FGF12: variants seen among roughly 807,000 people sequenced by gnomAD.
FGF12 encodes fibroblast growth factor 12B.
A neutral mutation model predicts 23.6 loss-of-function variants in FGF12; 14 were observed. The observed-to-expected ratio is 0.59, with a 90% CI of 0.39 to 0.93. The LOEUF (loss-of-function observed/expected upper bound fraction) is 0.93, where lower values mean the gene tolerates loss of function less well. Ranked by LOEUF, FGF12 falls within the 40% of genes least tolerant of loss-of-function variation. The pLI, the probability that FGF12 is intolerant of heterozygous loss-of-function variation, is 0.00. For missense variants in FGF12, 175 were observed against 217.8 expected (o/e 0.80, Z 1.24); for synonymous variants, 62 against 77.3 (o/e 0.80, Z 1.04).
intron 2 of FGF12, among the ~76,000 whole-genome samples, chr3:192,594,113 A>G (rs979282011): frequency 1.3e-5 from 2 of 151,964 alleles, no homozygotes; most frequent in East Asian, 1.9e-4. Context: ...ACATTTGAAC[A>G]GGAGACTGCC....
chr3:192,523,182 T>C (rs1201034045), intron 2 of FGF12, among the ~76,000 whole-genome samples: 2 of 152,194 alleles, frequency 1.3e-5, no homozygotes, highest in African/African-American at 4.8e-5. Flanking sequence ...TATTTCTAAG[T>C]TGCAACAGGA....
chr3:192,513,873 A>G (rs2108841433), intron 2 of FGF12, among the ~76,000 whole-genome samples: 1 of 152,358 alleles, frequency 6.6e-6, no homozygotes, highest in East Asian at 1.9e-4. Context: ...AAGATAACTT[A>G]TACAAACCTT....
chr3:192,379,517 G>A, intron 2 of FGF12, among the ~76,000 whole-genome samples: 1 of 151,620 alleles, frequency 6.6e-6, no homozygotes, highest in Non-Finnish European at 1.5e-5. Context: ...AAAGACATGA[G>A]GGACACTAAA....
chr3:192,277,902 A>G (rs913212585), intron 4 of FGF12, among the ~76,000 whole-genome samples: 1 of 152,194 alleles, frequency 6.6e-6, no homozygotes, highest in African/African-American at 2.4e-5. Context: ...AGCTGGGAAT[A>G]CAGGCGCCTG....
chr3:192,308,537 G>A (rs546034871), intron 4 of FGF12, among the ~76,000 whole-genome samples: 40 of 151,976 alleles, frequency 2.6e-4, no homozygotes, highest in Non-Finnish European at 4.4e-4. Context: ...AAAATTAGCC[G>A]GGCATGGTGG....
chr3:192,659,384 A>C (rs1216618810), intron 2 of FGF12, among the ~76,000 whole-genome samples: 2 of 152,184 alleles, frequency 1.3e-5, no homozygotes, highest in Admixed American at 6.5e-5. Flanking sequence ...TAAGATGAGC[A>C]TGTGGCCTCA....
intron 2 of FGF12, among the ~76,000 whole-genome samples, chr3:192,654,418 TA>T (rs11359433): frequency 0.57 from 86,703 of 151,976 alleles, 25,142 homozygotes; most frequent in East Asian, 0.67. Context: ...ATCTAAATGA[TA>T]AAAAAAATAA....
chr3:192,637,129 TG>T (rs1161280503), intron 2 of FGF12, among the ~76,000 whole-genome samples: 7 of 152,188 alleles, frequency 4.6e-5, no homozygotes, highest in Non-Finnish European at 1.5e-5. Context: ...CCTATTTCTT[TG>T]GATAAGGCAA....
chr3:192,331,320 A>C (rs1339793370), intron 4 of FGF12, among the ~76,000 whole-genome samples: 1 of 122,950 alleles, frequency 8.1e-6, no homozygotes, highest in Non-Finnish European at 1.6e-5. Flanking sequence ...TCAAAAAAAA[A>C]AAAAAAAAAA....
chr3:192,219,909 C>T (rs1718385564), intron 4 of FGF12, among the ~76,000 whole-genome samples: 1 of 152,084 alleles, frequency 6.6e-6, no homozygotes, highest in South Asian at 2.1e-4. Context: ...TCTCATTTTC[C>T]CAGACCTAAT....
At chr3:192,530,680 T>A (rs563170053) in intron 2 of FGF12, among the ~76,000 whole-genome samples, 6 of 152,318 alleles carry the variant, frequency 3.9e-5, no homozygotes, top group African/African-American at 1.4e-4. Context: ...TGAATACTAA[T>A]GGGCATGGAG....
chr3:192,164,122 A>C (rs918794816), intron 5 of FGF12, among the ~76,000 whole-genome samples: 4 of 152,058 alleles, frequency 2.6e-5, no homozygotes, highest in Admixed American at 1.3e-4. Context: ...GAGGGAGGAG[A>C]AAAGGAGGAG....
intron 2 of FGF12, among the ~76,000 whole-genome samples, chr3:192,421,925 G>A (rs530852045): frequency 3.3e-5 from 5 of 152,118 alleles, no homozygotes; most frequent in Non-Finnish European, 7.4e-5. Context: ...AATAAGTGGT[G>A]GTGGTGGTGA....
chr3:192,269,476 T>TCAGC, intron 4 of FGF12, among the ~76,000 whole-genome samples: 1 of 152,180 alleles, frequency 6.6e-6, no homozygotes, highest in East Asian at 1.9e-4. Flanking sequence ...CCAGGGGTTA[T>TCAGC]CAGCCCTGCA....
chr3:192,442,364 T>C (rs191413940), intron 2 of FGF12, among the ~76,000 whole-genome samples: 1 of 152,320 alleles, frequency 6.6e-6, no homozygotes, highest in African/African-American at 2.4e-5. Flanking sequence ...AGTATGGACA[T>C]CTACTGATTA....
intron 4 of FGF12, among the ~76,000 whole-genome samples, chr3:192,259,857 G>A (rs544262986): frequency 4.6e-5 from 7 of 152,108 alleles, no homozygotes; most frequent in Admixed American, 1.3e-4. Context: ...GAGGTTTCAC[G>A]ACCAATGATT....
At chr3:192,465,675 G>A (rs1560119483) in intron 2 of FGF12, among the ~76,000 whole-genome samples, 2 of 152,168 alleles carry the variant, frequency 1.3e-5, no homozygotes, top group South Asian at 2.1e-4. Context: ...ATAGCTGCTA[G>A]GCAGAGGGTG....
chr3:192,415,093 A>C (rs916192472), intron 2 of FGF12, among the ~76,000 whole-genome samples: 10 of 152,126 alleles, frequency 6.6e-5, no homozygotes, highest in Admixed American at 6.5e-4. Flanking sequence ...GAAAAATATA[A>C]ATTTCCTCCA....
At chr3:192,641,970 G>A (rs1715823271) in intron 2 of FGF12, among the ~76,000 whole-genome samples, 1 of 152,164 alleles carries the variant, frequency 6.6e-6, no homozygotes, top group African/African-American at 2.4e-5. Context: ...TGACGTCTGT[G>A]AAGAGATGTT....
Sources: allele counts gnomAD v4.1 joint callset (sites outside exome capture counted in the v4.1 genomes callset), GRCh38; gene constraint gnomAD v4.1.1; transcripts MANE v1.5; gene names NCBI Gene and HGNC (gene_info 2026-07-23, HGNC 2026-07-21).